SIDT2: variants seen among roughly 807,000 people sequenced by gnomAD.
SIDT2 encodes the protein SID1 transmembrane family, member 2.
In SIDT2, 68 loss-of-function variants were observed where a neutral mutation model predicts 114.4. The ratio of observed to expected loss-of-function variants is 0.59; its 90% CI spans 0.49 to 0.73. The LOEUF (loss-of-function observed/expected upper bound fraction) is 0.73. Among genes scored for constraint, SIDT2 ranks in the 30% least tolerant of loss-of-function variants. SIDT2 has a pLI of 0.00. For synonymous variants in SIDT2, 470 were observed against 438.4 expected, an observed-to-expected ratio of 1.07 and a Z score of -0.90; for missense variants, 918 against 1,097.1, an observed-to-expected ratio of 0.84 and a Z score of 2.31.
Position 117,185,065 on chromosome 11 carries a change from T to TC in SIDT2, c.868+928dup, listed in dbSNP as rs768979244. Among the ~76,000 whole-genome samples, 129 of 144,640 alleles carry TC rather than the reference T, an allele frequency of 8.9e-4. 4 individuals carry two copies. Among genetic ancestry groups the TC allele is most frequent in the Admixed American group, 1.2e-3 (18 of 14,462 alleles). The allele number at this position is 144,640 out of a possible 152,430, so 94.9% of individuals were successfully genotyped here. Reference sequence around the variant, plus strand: ...TCTCTCTCTCTTTTTTTTTTTTTTTTCCGAGATGGAGTCTTGCTCTGTTGC... The same window carrying TC: ...TCTCTCTCTCTTTTTTTTTTTTTTTTCCCGAGATGGAGTCTTGCTCTGTTGC... On this transcript the variant is annotated intron_variant, in intron 8 of 25. Transcript: ENST00000324225.
Position 117,183,783 on chromosome 11 carries a change from A to G in SIDT2, c.707A>G (p.Lys236Arg), listed in dbSNP as rs1565285129. The change falls in exon 7 of 26, where the codon AAA (lysine) becomes AGA (arginine). Residue 236 changes from lysine to arginine, a missense_variant. By Grantham distance (26) the Lys-to-Arg change is conservative. Transcript: ENST00000324225. The stretch of plus-strand genomic sequence containing the variant: ...TTTATCATCATCATCCTGCAGCGCA[A>G]AGACTTCCCCAGCAACAGCTTTTAT... ...TKKAAITVQRKDFPSNSFYVV... is the reference protein window; with the variant it reads ...TKKAAITVQRRDFPSNSFYVV... 6.2e-7 allele frequency: 1 copy of G among 1,612,468 alleles called. No individual in the cohort carries two copies. The highest frequency in any genetic ancestry group is 2.2e-5 in the East Asian group (1 of 44,872).
chr11:117,191,278 A>T (rs184936191), intron 18 of SIDT2: 3,649 of 152,128 alleles, frequency 0.024, 74 homozygotes, highest in South Asian at 0.097. Context: ...TCCGTCTCAA[A>T]AAAAAAAAAA....
Position 117,186,110 on chromosome 11 carries a change from T to A in SIDT2, c.869-20T>A. 1 of 1,611,898 alleles carries A rather than the reference T, an allele frequency of 6.2e-7. No homozygotes were observed. Among genetic ancestry groups the A allele is most frequent in the Non-Finnish European group, 8.5e-7 (1 of 1,178,050 alleles). ...GGTGGAAGGTTTTGACCTGTCCACC[T>A]TCCTGTTTCCTCCTTGAAGCTGAGG... On this transcript the variant is annotated intron_variant, in intron 8 of 25. Coordinates refer to ENST00000324225, the MANE Select transcript of SIDT2 (RefSeq NM_001040455.2).
intron 18 of SIDT2, 24 bp from the exon 19 acceptor site, chr11:117,191,854 T>C: frequency 6.2e-7 from 1 of 1,611,170 alleles, no homozygotes; most frequent in Non-Finnish European, 8.5e-7. Context: ...TTTCTGCAGC[T>C]CCCTTCCGTG....
Position 117,179,022 on chromosome 11 carries a change from C to T in SIDT2, c.-242C>T. 1 of 549,226 alleles carries T rather than the reference C, an allele frequency of 1.8e-6. No homozygotes were observed. Among genetic ancestry groups the T allele is most frequent in the Non-Finnish European group, 3.2e-6 (1 of 309,192 alleles). The allele number at this position is 549,226 out of a possible 1,614,324, so 34.0% of individuals were successfully genotyped here. On this transcript the variant is annotated 5_prime_UTR_variant, in exon 1 of 26. Coordinates refer to ENST00000324225, the MANE Select transcript of SIDT2 (RefSeq NM_001040455.2). ...GCCCCTCGCGAGCTGGGACCCCTTC[C>T]CGTAGCCAGCATCCCCTCCCTCCCC...
chr11:117,193,191 C>T lies in SIDT2; in HGVS notation c.2144C>T (p.Ala715Val). ...CTTATCATGCGCCCCAATGATTTCG[C>T]TTCCTACTTGTTGGCCATTGGCATC... Reference protein sequence around the residue: ...YGLIMRPNDFASYLLAIGICN... With the variant: ...YGLIMRPNDFVSYLLAIGICN... The change falls in exon 23 of 26, where the codon GCT becomes GTT. Residue 715 changes from alanine to valine, a missense_variant. Coordinates refer to ENST00000324225, the MANE Select transcript of SIDT2 (RefSeq NM_001040455.2). 6.2e-7 allele frequency: 1 copy of T among 1,614,212 alleles called. No homozygotes were observed. The highest frequency in any genetic ancestry group is 8.5e-7 in the Non-Finnish European group (1 of 1,180,030).
Position 117,182,841 on chromosome 11 carries a change from C to T in SIDT2, c.702+35C>T, listed in dbSNP as rs1170586045. 4 of 1,598,890 alleles carry T rather than the reference C, an allele frequency of 2.5e-6. No individual in the cohort carries two copies. In the African/African-American group the frequency reaches 5.4e-5, roughly 21 times the overall value. ...GCATGTGGCCACGTGGGAGGTGTGG[C>T]TGGGCGATAAGCTGTGTAGCTTTCC... On this transcript the variant is annotated intron_variant, in intron 6 of 25. Transcript: ENST00000324225.
In SIDT2 at chr11:117,187,425, G is replaced by A. The variant is rs1591768851; in HGVS notation, c.1063G>A (p.Glu355Lys). ...TTCTTTTCCTGGCAGTTCCCCTTATGAGGGTTACAACTATGGCTCCTTTGG... is the reference window on the plus strand; with the variant it reads ...TTCTTTTCCTGGCAGTTCCCCTTATAAGGGTTACAACTATGGCTCCTTTGG... ...ADSFPGSSPYEGYNYGSFENV... is the reference protein window; with the variant it reads ...ADSFPGSSPYKGYNYGSFENV... Residue 355 changes from glutamate (E) to lysine (K), a missense_variant, in exon 11 of 26, where the codon GAG becomes AAG. Around this residue, in one of 4 missense-constraint regions of SIDT2, gnomAD observed 553 missense variants for 600.1 expected, o/e 0.92. Transcript: ENST00000324225. 3.1e-6 allele frequency: 5 copies of A among 1,614,074 alleles called. No individual in the cohort carries two copies. Among genetic ancestry groups the A allele is most frequent in the Non-Finnish European group, 4.2e-6 (5 of 1,180,000 alleles).
chr11:117,190,016 G>T lies in SIDT2; in HGVS notation c.1484G>T (p.Gly495Val), dbSNP rs1206193130. 7.4e-6 allele frequency: 12 copies of T among 1,614,050 alleles called. No individual in the cohort carries two copies. Among genetic ancestry groups the T allele is most frequent in the Non-Finnish European group, 1.0e-5 (12 of 1,180,032 alleles). ...AACTTCCTCTGCGCCCACCCACTGG[G>T]CAATCTCAGGTGGGGGTCATGCTGG... is the stretch of plus-strand genomic sequence containing the variant. ...YYNFLCAHPL[G>V]NLSAFNNILS... is the part of the protein sequence containing the mutation. Residue 495 changes from glycine (G) to valine (V), a missense_variant, in exon 16 of 26, where the codon GGC (glycine) becomes GTC (valine). Physicochemically the swap from Gly to Val is moderately radical, Grantham distance 109. Around this residue, in one of 4 missense-constraint regions of SIDT2, gnomAD observed 72 missense variants for 59.9 expected, o/e 1.20. Transcript: ENST00000324225. This position sits in a 1 kb window ranked among gnomAD's most constrained non-coding sequence, Gnocchi z 4.1.
chr11:117,189,887 T>TG (rs2030637568), intron 15 of SIDT2, 65 bp from the exon 16 acceptor site: 1 of 1,541,910 alleles, frequency 6.5e-7, no homozygotes, highest in Non-Finnish European at 9.0e-7. Context: ...GGGGCCCGGA[T>TG]GGCGGGGCGT....
chr11:117,181,923 A>G lies in SIDT2; in HGVS notation c.422A>G (p.Asn141Ser), dbSNP rs2030303999. The G allele has an allele frequency of 6.2e-7, 1 of 1,614,096 alleles. No homozygotes were observed. The highest frequency in any genetic ancestry group is 8.5e-7 in the Non-Finnish European group (1 of 1,180,022). ...GATGTGTCCACCCTGTCACCAGTCA[A>G]CACCACATACCAGCTCCGGGTCAGC... ...YVDVSTLSPVNTTYQLRVSRM... is the reference protein window; with the variant it reads ...YVDVSTLSPVSTTYQLRVSRM... The change falls in exon 3 of 26, where the codon AAC becomes AGC. Residue 141 changes from asparagine (N) to serine (S), a missense_variant. Coordinates refer to ENST00000324225, the MANE Select transcript of SIDT2 (RefSeq NM_001040455.2).
At chr11:117,186,506 G>A (rs1249148310) in intron 9 of SIDT2, 78 bp from the exon 10 acceptor site, 4 of 1,362,554 alleles carry the variant, frequency 2.9e-6, no homozygotes, top group Middle Eastern at 3.7e-4. Context: ...GAGCAGAGAG[G>A]TAGAAGGAAA....
Position 117,193,343 on chromosome 11 carries a change from A to C in SIDT2, c.2211+85A>C, listed in dbSNP as rs575004258. On this transcript the variant is annotated intron_variant, in intron 23 of 25. Transcript: ENST00000324225. ...GGCCCGGCAGCATTGAGGGGCAGTGAGAAGTTTTCTGTCCCATCTTTGCTG... is the reference window on the plus strand; with the variant it reads ...GGCCCGGCAGCATTGAGGGGCAGTGCGAAGTTTTCTGTCCCATCTTTGCTG... The C allele has an allele frequency of 1.1e-5, 13 of 1,195,608 alleles. No individual in the cohort carries two copies. In the South Asian group the frequency reaches 1.8e-4, roughly 17 times the overall value. The allele number at this position is 1,195,608 out of a possible 1,614,324, so 74.1% of individuals were successfully genotyped here.
Position 117,182,721 on chromosome 11 carries a change from A to G in SIDT2, c.619-2A>G, listed in dbSNP as rs779570943. On this transcript the variant is annotated splice_acceptor_variant, in intron 5 of 25. Transcript: ENST00000324225. LOFTEE classifies it high-confidence loss of function. Reference sequence around the variant, plus strand: ...CCATCTGCCTCTCCCGCCCCTCTGCAGTGTCCTGTCTATGACCTGGACAAC... The same window carrying G: ...CCATCTGCCTCTCCCGCCCCTCTGCGGTGTCCTGTCTATGACCTGGACAAC... The G allele has an allele frequency of 6.2e-7, 1 of 1,614,182 alleles. No homozygotes were observed.
intron 12 of SIDT2, 116 bp downstream of exon 12, chr11:117,187,815 G>C (rs781299726): frequency 1.1e-5 from 11 of 975,460 alleles, no homozygotes; most frequent in Non-Finnish European, 1.6e-5. Flanking sequence ...AGGGCCTGCT[G>C]TCTTCCTAAC....
Position 117,192,956 on chromosome 11 carries a change from CA to C in SIDT2, c.2105+93del. ...TGCCTTGGGGGCTAAGGACAACTTC[CA>C]AATGTTGGGCATAAGACATGGGGGC... On this transcript the variant is annotated intron_variant, in intron 22 of 25. Coordinates refer to ENST00000324225, the MANE Select transcript of SIDT2 (RefSeq NM_001040455.2). This position sits in a 1 kb window ranked among gnomAD's most constrained non-coding sequence, Gnocchi z 5.9. 1 of 1,537,908 alleles carries C rather than the reference CA, an allele frequency of 6.5e-7. No homozygotes were observed. Among genetic ancestry groups the C allele is most frequent in the Non-Finnish European group, 9.0e-7 (1 of 1,110,720 alleles).
chr11:117,181,641 G>A (rs2030289501), intron 2 of SIDT2, 104 bp downstream of exon 2: 8 of 1,585,688 alleles, frequency 5.0e-6, no homozygotes, highest in Non-Finnish European at 5.2e-6. Context: ...TCCCTGGGCT[G>A]GGAGGCTGGT....
intron 23 of SIDT2, 36 bp from the exon 24 acceptor site, chr11:117,193,817 G>A: frequency 6.6e-7 from 1 of 1,505,900 alleles, no homozygotes; most frequent in Non-Finnish European, 9.2e-7. Context: ...ACAGGGGTAA[G>A]CCCTCAGACT....
chr11:117,192,605 G>A lies in SIDT2; in HGVS notation c.2013G>A (p.Val671=). Residue 671 remains valine (V), a synonymous_variant, in exon 21 of 26, where the codon GTG becomes GTA. Transcript: ENST00000324225. This position sits in a 1 kb window ranked among gnomAD's most constrained non-coding sequence, Gnocchi z 5.9. The part of the protein sequence containing the change: ...DSGIFRRILH[V]LYTDCIRQCS... ...GGATCTTCCGCCGCATCCTCCACGT[G>A]CTCTACACAGACTGCATCCGGCAGT... 1.2e-6 allele frequency: 2 copies of A among 1,611,292 alleles called. No individual in the cohort carries two copies. Among genetic ancestry groups the A allele is most frequent in the South Asian group, 1.1e-5 (1 of 91,088 alleles).
Sources: allele counts gnomAD v4.1 joint callset (sites outside exome capture counted in the v4.1 genomes callset), GRCh38; gene constraint gnomAD v4.1.1; regional missense constraint gnomAD v4.1.1; non-coding constraint Gnocchi (gnomAD v3.1); transcripts MANE v1.5; gene names NCBI Gene and HGNC (gene_info 2026-07-23, HGNC 2026-07-21).